The following NCOA1 variants were observed in gnomAD, a reference collection of about 807,000 sequenced individuals.
The protein encoded by NCOA1 is nuclear receptor coactivator 1, also known as Hin-2 protein.
NCOA1 carries 35 observed loss-of-function variants against 150.9 expected under a neutral mutation model. The ratio of observed to expected loss-of-function variants is 0.23; its 90% CI spans 0.18 to 0.31. The LOEUF is 0.31. Ranked by LOEUF, NCOA1 falls within the 10% of genes least tolerant of loss-of-function variation. The pLI is 1.00. For missense variants in NCOA1, 1,491 were observed against 1,749.3 expected (o/e 0.85, Z 2.63); for synonymous variants, 590 against 630.0 (o/e 0.94, Z 0.95).
intron 1 of NCOA1, among the ~76,000 whole-genome samples, chr2:24,500,120 T>C (rs1190315490): frequency 2.0e-5 from 3 of 152,166 alleles, no homozygotes; most frequent in East Asian, 1.9e-4. Flanking sequence ...TTCTTTCTTT[T>C]TTTTTGAGAA....
intron 1 of NCOA1, among the ~76,000 whole-genome samples, chr2:24,562,373 A>C (rs1038980344): frequency 6.6e-6 from 1 of 152,228 alleles, no homozygotes; most frequent in Non-Finnish European, 1.5e-5. Context: ...GTGTAATGCA[A>C]ATATCCCCAA....
At chr2:24,686,021 G>A (rs1209725669) in intron 8 of NCOA1, among the ~76,000 whole-genome samples, 1 of 151,698 alleles carries the variant, frequency 6.6e-6, no homozygotes, top group Non-Finnish European at 1.5e-5. Flanking sequence ...TATATTTTGA[G>A]ACAGAGTTTC....
chr2:24,541,527 A>G (rs1015979273), intron 1 of NCOA1, among the ~76,000 whole-genome samples: 15 of 152,230 alleles, frequency 9.9e-5, no homozygotes, highest in Admixed American at 7.9e-4. Flanking sequence ...ACCTAATCCT[A>G]ACTGACACAC....
At chr2:24,641,718 CCA>C (rs1572530488) in intron 3 of NCOA1, among the ~76,000 whole-genome samples, 2 of 152,196 alleles carry the variant, frequency 1.3e-5, no homozygotes, top group East Asian at 3.9e-4. Context: ...CAATGAGAAA[CCA>C]GTTACCATTT....
chr2:24,730,871 C>CAAAAAA (rs35975198), intron 17 of NCOA1, among the ~76,000 whole-genome samples: 10 of 61,896 alleles, frequency 1.6e-4, no homozygotes, highest in East Asian at 5.6e-4. Flanking sequence ...ACTAAAAGTA[C>CAAAAAA]AAAAAAAAAA....
intron 2 of NCOA1, among the ~76,000 whole-genome samples, chr2:24,577,603 A>G (rs1307429976): frequency 6.6e-6 from 1 of 152,108 alleles, no homozygotes; most frequent in Admixed American, 6.6e-5. Context: ...GGTTGAACTC[A>G]TGGTTTCAGT....
intron 3 of NCOA1, among the ~76,000 whole-genome samples, chr2:24,589,695 G>A (rs545048816): frequency 2.0e-5 from 3 of 151,956 alleles, no homozygotes; most frequent in African/African-American, 4.8e-5. Flanking sequence ...GTGCGCACAC[G>A]CGCCACGTGT....
intron 8 of NCOA1, among the ~76,000 whole-genome samples, chr2:24,688,238 G>A (rs1296450335): frequency 6.6e-6 from 1 of 152,054 alleles, no homozygotes; most frequent in Non-Finnish European, 1.5e-5. Flanking sequence ...TCTTTATGGT[G>A]GAATGATTTA....
chr2:24,587,828 T>TA (rs1329866286), intron 3 of NCOA1, among the ~76,000 whole-genome samples: 10 of 152,222 alleles, frequency 6.6e-5, no homozygotes, highest in Non-Finnish European at 1.5e-5. Flanking sequence ...GCGGCCCAGG[T>TA]AAAATGTAGA....
intron 10 of NCOA1, 36 bp from the exon 11 acceptor site, chr2:24,697,622 G>T: frequency 6.5e-7 from 1 of 1,534,070 alleles, no homozygotes; most frequent in East Asian, 2.3e-5. Context: ...TATATAAAGA[G>T]GCTGTTATAA....
intron 3 of NCOA1, among the ~76,000 whole-genome samples, chr2:24,600,031 A>C (rs961390104): frequency 6.6e-6 from 1 of 151,900 alleles, no homozygotes; most frequent in Non-Finnish European, 1.5e-5. Context: ...CCGATTAATC[A>C]TTTTTATATG....
At chr2:24,706,144 T>C (rs1216416072) in intron 12 of NCOA1, among the ~76,000 whole-genome samples, 1 of 152,160 alleles carries the variant, frequency 6.6e-6, no homozygotes, top group Non-Finnish European at 1.5e-5. Context: ...ACAGGAGTCA[T>C]AAATAAGTGC....
chr2:24,601,743 C>A (rs1457489544), intron 3 of NCOA1, among the ~76,000 whole-genome samples: 1 of 152,028 alleles, frequency 6.6e-6, no homozygotes. Flanking sequence ...AGCAATTCTC[C>A]TGCCTCAGCC....
Position 24,557,853 on chromosome 2 carries a change from A to AT in NCOA1, c.-395-6435dup, listed in dbSNP as rs555902458. On this transcript the variant is annotated intron_variant, in intron 1 of 22. Transcript: ENST00000348332. ...AATTTTAATCTTTGTTCTTTGTGATATTTTTTTCTCTCTCTAACTTTGCGA... is the reference window on the plus strand; with the variant it reads ...AATTTTAATCTTTGTTCTTTGTGATATTTTTTTTCTCTCTCTAACTTTGCGA... Among the ~76,000 whole-genome samples the AT allele has an allele frequency of 3.3e-5, 5 of 150,852 alleles. No homozygotes were observed. The South Asian group carries it at 1.1e-3, about 32-fold the overall frequency.
At chr2:24,611,252 A>G (rs557358312) in intron 3 of NCOA1, among the ~76,000 whole-genome samples, 1 of 152,188 alleles carries the variant, frequency 6.6e-6, no homozygotes, top group Non-Finnish European at 1.5e-5. Flanking sequence ...AATGGCCTAC[A>G]TCCACGTTGT....
intron 5 of NCOA1, among the ~76,000 whole-genome samples, chr2:24,661,417 T>C (rs563363372): frequency 6.6e-6 from 1 of 152,346 alleles, no homozygotes; most frequent in African/African-American, 2.4e-5. Context: ...TATTAACCTT[T>C]TCTTGTTTAT....
intron 11 of NCOA1, among the ~76,000 whole-genome samples, chr2:24,704,138 A>G (rs1673296813): frequency 6.6e-6 from 1 of 152,196 alleles, no homozygotes; most frequent in Admixed American, 6.5e-5. Flanking sequence ...ACCATTGGCT[A>G]CATCTTAATT....
chr2:24,592,578 A>ATTTTTTTTTTTTTTTTTTTTTTTTTT (rs145333073), intron 3 of NCOA1, among the ~76,000 whole-genome samples: 1 of 103,492 alleles, frequency 9.7e-6, no homozygotes, highest in Non-Finnish European at 2.0e-5. Flanking sequence ...TCCCCTCCTA[A>ATTTTTTTTTTTTTTTTTTTTTTTTTT]TTTTTTTTTT....
intron 3 of NCOA1, among the ~76,000 whole-genome samples, chr2:24,636,363 T>G (rs770003488): frequency 1.1e-4 from 17 of 152,180 alleles, no homozygotes; most frequent in Non-Finnish European, 2.4e-4. Flanking sequence ...TGTTTTTAAA[T>G]GTTATTTTCC....
Sources: gnomAD v4.1 joint callset for allele counts (sites outside exome capture counted in the v4.1 genomes callset) on GRCh38, gnomAD v4.1.1 for gene constraint, MANE v1.5 for transcripts, NCBI Gene and HGNC (gene_info 2026-07-23, HGNC 2026-07-21) for gene names.